Variants in SYT16 observed in about 807,000 individuals in gnomAD.
The protein encoded by SYT16 is synaptotagmin-16.
In SYT16, 42 loss-of-function variants were observed where a neutral mutation model predicts 61.4. That is an observed-to-expected ratio of 0.68 (90% CI 0.53 to 0.89). SYT16 has a LOEUF of 0.89. Among genes scored for constraint, SYT16 ranks in the 40% least tolerant of loss-of-function variants. SYT16 has a pLI of 0.00. For synonymous variants in SYT16, 314 were observed against 302.3 expected (o/e 1.04, Z -0.40); for missense variants, 804 against 807.3 (o/e 1.00, Z 0.05).
intron 3 of SYT16, among the ~76,000 whole-genome samples, chr14:62,012,200 A>G (rs78728341): frequency 0.029 from 4,367 of 152,264 alleles, 76 homozygotes; most frequent in Admixed American, 0.04. Flanking sequence ...TCACATGGCT[A>G]TAATCAAAGT....
intron 3 of SYT16, among the ~76,000 whole-genome samples, chr14:62,053,599 G>T (rs978483374): frequency 6.6e-6 from 1 of 152,034 alleles, no homozygotes; most frequent in Non-Finnish European, 1.5e-5. Context: ...AAATTCCTTT[G>T]TTCATTCACT....
At chr14:61,858,120 C>CAAAAAAA (rs34781118) in intron 1 of SYT16, among the ~76,000 whole-genome samples, 6 of 43,228 alleles carry the variant, frequency 1.4e-4, no homozygotes, top group Non-Finnish European at 2.8e-4. Context: ...CACAGCTTGG[C>CAAAAAAA]AAAAAAAAAA....
chr14:61,995,070 CAT>C (rs1275126610), intron 2 of SYT16, among the ~76,000 whole-genome samples: 76 of 152,082 alleles, frequency 5.0e-4, no homozygotes, highest in African/African-American at 1.4e-3. Context: ...AATATACACA[CAT>C]ATGTGTATGT....
intron 2 of SYT16, among the ~76,000 whole-genome samples, chr14:61,979,334 A>T (rs908989043): frequency 1.3e-5 from 2 of 152,192 alleles, no homozygotes; most frequent in African/African-American, 4.8e-5. Context: ...AATTAAATAT[A>T]GGCAGAGAAA....
chr14:62,039,125 T>C (rs539167400), intron 3 of SYT16, among the ~76,000 whole-genome samples: 2 of 152,204 alleles, frequency 1.3e-5, no homozygotes, highest in Admixed American at 1.3e-4. Context: ...CTCCTCCTCT[T>C]CTTCAGTGAA....
chr14:61,922,811 A>G (rs1474230543), intron 1 of SYT16, among the ~76,000 whole-genome samples: 1 of 152,198 alleles, frequency 6.6e-6, no homozygotes, highest in Admixed American at 6.5e-5. Context: ...CCACTTTGGG[A>G]GGCCAAGGCA....
chr14:62,069,336 G>A (rs1208014547), intron 3 of SYT16, among the ~76,000 whole-genome samples: 1 of 152,164 alleles, frequency 6.6e-6, no homozygotes, highest in Non-Finnish European at 1.5e-5. Flanking sequence ...TCAACATGAG[G>A]GTTCATTATG....
chr14:61,932,542 C>A (rs990856270), intron 1 of SYT16, among the ~76,000 whole-genome samples: 2 of 150,230 alleles, frequency 1.3e-5, no homozygotes, highest in African/African-American at 5.0e-5. Flanking sequence ...TGAGAATTCA[C>A]TCACTATCAT....
At chr14:61,952,231 C>T (rs1594996650) in intron 1 of SYT16, among the ~76,000 whole-genome samples, 1 of 152,044 alleles carries the variant, frequency 6.6e-6, no homozygotes, top group African/African-American at 2.4e-5. Flanking sequence ...CCCAGCCATC[C>T]AGAAATGTTG....
chr14:61,838,448 C>T (rs542305831), intron 1 of SYT16, among the ~76,000 whole-genome samples: 22 of 152,288 alleles, frequency 1.4e-4, no homozygotes, highest in African/African-American at 5.3e-4. Context: ...GACGACCACC[C>T]TGAGAGAGAA....
intron 1 of SYT16, among the ~76,000 whole-genome samples, chr14:61,904,375 G>A (rs554199999): frequency 2.0e-5 from 3 of 152,276 alleles, no homozygotes; most frequent in South Asian, 4.1e-4. Context: ...TCAGGGCCTC[G>A]GCAGGAGCAG....
intron 1 of SYT16, among the ~76,000 whole-genome samples, chr14:61,817,277 G>A (rs1220023816): frequency 6.6e-6 from 1 of 151,874 alleles, no homozygotes; most frequent in Non-Finnish European, 1.5e-5. Flanking sequence ...AATTAGCCGG[G>A]TGTGGTGACA....
At chr14:61,906,787 GTCCATCCATCCATCCATCCA>G (rs60022651) in intron 1 of SYT16, among the ~76,000 whole-genome samples, 1 of 142,316 alleles carries the variant, frequency 7.0e-6, no homozygotes, top group South Asian at 2.4e-4. Context: ...CCGTCCGTCC[GTCCATCCATCCATCCATCCA>G]TCCATCCATC....
intron 1 of SYT16, among the ~76,000 whole-genome samples, chr14:61,877,220 G>A (rs940507484): frequency 2.2e-4 from 34 of 152,098 alleles, no homozygotes; most frequent in African/African-American, 6.8e-4. Context: ...GCAGTACTCC[G>A]CCTTTTGTCT....
chr14:62,042,659 TGTATTGATCA>T (rs1425281263), intron 3 of SYT16, among the ~76,000 whole-genome samples: 1 of 152,208 alleles, frequency 6.6e-6, no homozygotes, highest in Non-Finnish European at 1.5e-5. Flanking sequence ...CTCACATGCA[TGTATTGATCA>T]GTATTCCGCT....
chr14:61,888,165 C>T (rs1209306374), intron 1 of SYT16, among the ~76,000 whole-genome samples: 1 of 149,374 alleles, frequency 6.7e-6, no homozygotes, highest in Non-Finnish European at 1.5e-5. Flanking sequence ...CACTCTGTCA[C>T]CCAGTGCAGT....
intron 3 of SYT16, among the ~76,000 whole-genome samples, chr14:62,023,890 CAT>C (rs1483470942): frequency 1.3e-5 from 2 of 152,078 alleles, no homozygotes; most frequent in African/African-American, 2.4e-5. Flanking sequence ...CTTTTTCAAA[CAT>C]GTGCTAGTCT....
chr14:61,904,880 C>A (rs1438627967), intron 1 of SYT16, among the ~76,000 whole-genome samples: 1 of 152,146 alleles, frequency 6.6e-6, no homozygotes, highest in Non-Finnish European at 1.5e-5. Context: ...CCTGCAGGAC[C>A]TCTGGGAGGT....
intron 1 of SYT16, among the ~76,000 whole-genome samples, chr14:61,849,115 G>C (rs1447944758): frequency 2.6e-5 from 4 of 152,190 alleles, no homozygotes; most frequent in Non-Finnish European, 5.9e-5. Flanking sequence ...CCAGGAACTA[G>C]GCCCTAGAAT....
Sources: allele counts gnomAD v4.1 joint callset (sites outside exome capture counted in the v4.1 genomes callset), GRCh38; gene constraint gnomAD v4.1.1; transcripts MANE v1.5; gene names NCBI Gene and HGNC (gene_info 2026-07-23, HGNC 2026-07-21).